YIPF7: variants seen among roughly 807,000 people sequenced by gnomAD.
YIPF7 encodes the protein protein YIPF7.
In YIPF7, 35 loss-of-function variants were observed where a neutral mutation model predicts 27.2. That is an observed-to-expected ratio of 1.29 (90% CI 0.98 to 1.70). The LOEUF is 1.70. Among genes scored for constraint, YIPF7 ranks in the 40% most tolerant of loss-of-function variants. YIPF7 has a pLI of 0.00. For synonymous variants in YIPF7, 137 were observed against 110.4 expected, an observed-to-expected ratio of 1.24 and a Z score of -1.51; for missense variants, 358 against 303.7, an observed-to-expected ratio of 1.18 and a Z score of -1.33.
chr4:44,624,517 G>A (rs1712554649), intron 5 of YIPF7, 84 bp downstream of exon 5: 1 of 1,397,868 alleles, frequency 7.2e-7, no homozygotes, highest in South Asian at 1.6e-5. Context: ...AAAACAATCA[G>A]GAAGGGCTCA....
At chr4:44,627,131 T>C (rs1235352162) in intron 4 of YIPF7, among the ~76,000 whole-genome samples, 1 of 152,086 alleles carries the variant, frequency 6.6e-6, no homozygotes. Flanking sequence ...CACTTTTATA[T>C]TGGCCATGCA....
Position 44,631,177 on chromosome 4 carries a change from C to T in YIPF7, c.281-1629G>A, listed in dbSNP as rs117730276. On this transcript the variant is annotated intron_variant, in intron 3 of 5. Coordinates refer to ENST00000415895, the MANE Select transcript of YIPF7 (RefSeq NM_182592.3). Reference sequence around the variant, plus strand: ...AACTTGGGTTTCAATGCTGCACAATCTGACTCAAGAAAGCACATGTTTAAC... The same window carrying T: ...AACTTGGGTTTCAATGCTGCACAATTTGACTCAAGAAAGCACATGTTTAAC... 1.5e-3 allele frequency among the ~76,000 whole-genome samples: 225 copies of T among 152,288 alleles called. 3 individuals carry two copies. In the East Asian group the frequency reaches 0.037, roughly 25 times the overall value.
At chr4:44,627,077 A>C (rs1010626926) in intron 4 of YIPF7, among the ~76,000 whole-genome samples, 3 of 151,962 alleles carry the variant, frequency 2.0e-5, no homozygotes, top group Non-Finnish European at 4.4e-5. Context: ...CCACCGCACC[A>C]GGCCCCACAT....
intron 2 of YIPF7, among the ~76,000 whole-genome samples, chr4:44,647,688 CT>C (rs1190267744): frequency 1.3e-5 from 2 of 152,034 alleles, no homozygotes; most frequent in Non-Finnish European, 2.9e-5. Flanking sequence ...AGATATTCAA[CT>C]TTTCCAGCCT....
intron 3 of YIPF7, among the ~76,000 whole-genome samples, chr4:44,630,755 ATACT>A (rs972914513): frequency 8.5e-5 from 13 of 152,266 alleles, no homozygotes; most frequent in African/African-American, 2.6e-4. Flanking sequence ...TATAAAGCAA[ATACT>A]TAGCCATTTG....
chr4:44,647,374 G>C (rs534154516), intron 2 of YIPF7, among the ~76,000 whole-genome samples: 2 of 152,186 alleles, frequency 1.3e-5, no homozygotes, highest in South Asian at 4.1e-4. Flanking sequence ...AATTTAATCT[G>C]AAAATATCAA....
chr4:44,651,461 T>C, intron 1 of YIPF7, 93 bp downstream of exon 1: 2 of 709,036 alleles, frequency 2.8e-6, no homozygotes, highest in South Asian at 3.2e-5. Context: ...TGCAAAGCTT[T>C]ATGTAACATG....
intron 2 of YIPF7, among the ~76,000 whole-genome samples, chr4:44,647,342 C>G (rs929151823): frequency 6.6e-6 from 1 of 152,210 alleles, no homozygotes; most frequent in East Asian, 1.9e-4. Context: ...AGTTTTTTCT[C>G]TCTTATTGTG....
chr4:44,661,910 TAG>T (rs1714049723), intron 1 of YIPF7, among the ~76,000 whole-genome samples: 1 of 152,218 alleles, frequency 6.6e-6, no homozygotes, highest in African/African-American at 2.4e-5. Context: ...AGCCAGCAGA[TAG>T]AGTTCTTGGT....
upstream of YIPF7, among the ~76,000 whole-genome samples, chr4:44,653,555 C>T (rs1713802500): frequency 6.6e-6 from 1 of 151,966 alleles, no homozygotes; most frequent in South Asian, 2.1e-4. Flanking sequence ...GTTATATGAA[C>T]TGAGGAAGGG....
intron 2 of YIPF7, among the ~76,000 whole-genome samples, chr4:44,656,689 A>T (rs11944724): frequency 0.51 from 77,765 of 151,698 alleles, 21,274 homozygotes; most frequent in Non-Finnish European, 0.62. Flanking sequence ...TTCAACACAT[A>T]TTTTTTTCTA....
chr4:44,660,471 G>C (rs75192273), exon 2 of YIPF7: 2 of 152,242 alleles, frequency 1.3e-5, no homozygotes, highest in East Asian at 1.9e-4. Flanking sequence ...TGCTGAAGAG[G>C]CTGTATGGGG....
chr4:44,656,807 C>T (rs1053606172), intron 2 of YIPF7, among the ~76,000 whole-genome samples: 2 of 151,948 alleles, frequency 1.3e-5, no homozygotes, highest in African/African-American at 2.4e-5. Flanking sequence ...AGAGATTCAA[C>T]GTTTCCTTAG....
Position 44,635,922 on chromosome 4 carries a change from C to T in YIPF7, c.280G>A (p.Glu94Lys). ...CATTAATAACACTTCCTTAACTTAT[C>T]TTCTAGCAAAGGAGGCTCTTCATCA... ...SFDEEPPLLE[E>K]LGIHFDHIWQ... Residue 94 changes from glutamate (E) to lysine (K), a missense_variant and splice_region_variant, in exon 3 of 6, where the codon GAA becomes AAA. Coordinates refer to ENST00000415895, the MANE Select transcript of YIPF7 (RefSeq NM_182592.3). 1 of 1,613,562 alleles carries T rather than the reference C, an allele frequency of 6.2e-7. No individual in the cohort carries two copies. The highest frequency in any genetic ancestry group is 8.5e-7 in the Non-Finnish European group (1 of 1,179,676).
chr4:44,636,356 T>C (rs998221035), intron 2 of YIPF7, among the ~76,000 whole-genome samples: 3 of 152,194 alleles, frequency 2.0e-5, no homozygotes, highest in Non-Finnish European at 4.4e-5. Context: ...CAGTTAAAAC[T>C]CTATAAGGTA....
intron 3 of YIPF7, among the ~76,000 whole-genome samples, chr4:44,635,547 A>C (rs1264179339): frequency 1.3e-5 from 2 of 152,214 alleles, no homozygotes; most frequent in African/African-American, 4.8e-5. Context: ...CATAGCAGAA[A>C]ATAAAATACG....
intron 4 of YIPF7, among the ~76,000 whole-genome samples, chr4:44,627,009 C>T (rs1403869447): frequency 6.6e-6 from 1 of 151,726 alleles, no homozygotes; most frequent in Admixed American, 6.6e-5. Flanking sequence ...GTCTCGATCT[C>T]CTGAGCTCGT....
At position 44,622,194 on chromosome 4, in the gene YIPF7, A is replaced by G; in HGVS notation, c.*220T>C. The G allele has an allele frequency of 1.8e-6, 1 of 559,496 alleles. No individual in the cohort carries two copies. Among genetic ancestry groups the G allele is most frequent in the Non-Finnish European group, 3.1e-6 (1 of 318,542 alleles). 34.7% of individuals were successfully genotyped at this position (559,496 alleles called of 1,614,324 possible). A position where few individuals can be genotyped will look rare whatever the true frequency, so the allele number is the denominator to read the frequency against. On this transcript the variant is annotated 3_prime_UTR_variant, in exon 6 of 6. Coordinates refer to ENST00000415895, the MANE Select transcript of YIPF7 (RefSeq NM_182592.3). ...CAGCAACTGTATCCCTTTTGATTTT[A>G]AGTATTTTGAAATGTTTTAATGCAC...
In YIPF7 at chr4:44,624,629, A is replaced by G; in HGVS notation, c.580T>C (p.Ser194Pro). 1.3e-6 allele frequency: 2 copies of G among 1,598,108 alleles called. No homozygotes were observed. Among genetic ancestry groups the G allele is most frequent in the South Asian group, 2.3e-5 (2 of 87,794 alleles). Residue 194 changes from serine (S) to proline (P), a missense_variant, in exon 5 of 6, where the codon TCT becomes CCT. Ser to Pro is a moderately conservative substitution (Grantham distance 74). Transcript: ENST00000415895. Reference sequence around the variant, plus strand: ...AGTGAAAAGAACATGGCGCAACCAGACAGGATGACCATGGGGAGCAGGCAG... The same window carrying G: ...AGTGAAAAGAACATGGCGCAACCAGGCAGGATGACCATGGGGAGCAGGCAG... Reference protein sequence around the residue: ...GYCLLPMVILSGCAMFFSLQG... With the variant: ...GYCLLPMVILPGCAMFFSLQG...
Sources: allele counts gnomAD v4.1 joint callset (sites outside exome capture counted in the v4.1 genomes callset), GRCh38; gene constraint gnomAD v4.1.1; transcripts MANE v1.5; gene names NCBI Gene and HGNC (gene_info 2026-07-23, HGNC 2026-07-21).